TEX15: variants seen among roughly 807,000 people sequenced by gnomAD.
TEX15 encodes the protein testis-expressed protein 15.
TEX15 carries 171 observed loss-of-function variants against 237.3 expected under a neutral mutation model. The ratio of observed to expected loss-of-function variants is 0.72; its 90% confidence interval spans 0.64 to 0.82. The LOEUF is 0.82. TEX15 is among the 40% of genes least tolerant of loss of function. The pLI is 0.00. For synonymous variants in TEX15, 1,338 were observed against 1,269.8 expected, an observed-to-expected ratio of 1.05 and a Z score of -1.14; for missense variants, 3,750 against 3,646.5, an observed-to-expected ratio of 1.03 and a Z score of -0.73.
chr8:30,834,509 G>A (rs1364584136), intron 10 of TEX15, among the ~76,000 whole-genome samples: 2 of 152,104 alleles, frequency 1.3e-5, no homozygotes, highest in African/African-American at 4.8e-5. Context: ...TATGTTCTTA[G>A]GTGAAAAATT....
chr8:30,858,642 C>T (rs1359152255), intron 7 of TEX15, 26 bp downstream of exon 7: 1 of 1,496,518 alleles, frequency 6.7e-7, no homozygotes, highest in African/African-American at 1.4e-5. Flanking sequence ...AAATATTAAT[C>T]AAGTACAATC....
intron 5 of TEX15, among the ~76,000 whole-genome samples, chr8:30,860,826 C>T (rs1808034827): frequency 6.6e-6 from 1 of 151,878 alleles, no homozygotes; most frequent in Admixed American, 6.6e-5. Context: ...GTTGGGATTA[C>T]AGGCGTGAGC....
rs548065546 is a variant in TEX15, at chr8:30,874,620, T to C, written c.302+317A>G. Among the ~76,000 whole-genome samples the C allele has an allele frequency of 2.7e-4, 41 of 152,264 alleles. No homozygotes were observed. The South Asian group carries it at 6.4e-3, about 24-fold the overall frequency. On this transcript the variant is annotated intron_variant, in intron 4 of 10. Coordinates refer to ENST00000643185, the MANE Select transcript of TEX15 (RefSeq NM_001350162.2). ...CTTTTTGATTACTTCGACTGCAGTT[T>C]TACATTATCTAGGAGGTGTGAGGGA...
chr8:30,912,596 GGGAACCCGCGCATCTGA>G (rs1386742821), intron 1 of TEX15, among the ~76,000 whole-genome samples: 1 of 152,206 alleles, frequency 6.6e-6, no homozygotes, highest in African/African-American at 2.4e-5. Flanking sequence ...GCGAAAGCGC[GGGAACCCGCGCATCTGA>G]GGAAAGCTAA....
chr8:30,888,156 C>T (rs577763356), intron 2 of TEX15, among the ~76,000 whole-genome samples: 2 of 151,602 alleles, frequency 1.3e-5, no homozygotes, highest in African/African-American at 4.8e-5. Flanking sequence ...CTCAAGTGAT[C>T]CTCCTGCCTC....
Position 30,843,371 on chromosome 8 carries a change from C to T in TEX15, c.6796G>A (p.Gly2266Ser). 6.2e-7 allele frequency: 1 copy of T among 1,612,758 alleles called. No homozygotes were observed. The change falls in exon 8 of 11, where the codon GGT (glycine) becomes AGT (serine). Residue 2266 changes from glycine (G) to serine (S), a missense_variant. Gly to Ser is a moderately conservative substitution (Grantham distance 56). Transcript: ENST00000643185. ...GCATCAAAAAAGATATGTTCCAGAC[C>T]ATAAAGAGATATTTTAACACGTACT... ...EAVRVKISLY[G>S]LEHIFFDAAK...
At chr8:30,836,717 A>T in intron 10 of TEX15, 86 bp downstream of exon 10, 5 of 1,215,772 alleles carry the variant, frequency 4.1e-6, no homozygotes, top group Admixed American at 2.3e-5. Flanking sequence ...CCTCTAACTC[A>T]TCACTTACTG....
intron 3 of TEX15, among the ~76,000 whole-genome samples, chr8:30,885,637 G>T (rs1808631773): frequency 6.6e-6 from 1 of 152,126 alleles, no homozygotes; most frequent in African/African-American, 2.4e-5. Context: ...CCAAGGTATG[G>T]TCTATCTTGG....
Position 30,846,336 on chromosome 8 carries a change from A to G in TEX15, c.3831T>C (p.Cys1277=), listed in dbSNP as rs1282097876. 2 of 1,612,776 alleles carry G rather than the reference A, an allele frequency of 1.2e-6. No individual in the cohort carries two copies. Among genetic ancestry groups the G allele is most frequent in the Non-Finnish European group, 1.7e-6 (2 of 1,179,634 alleles). ...NVTTIDDGSR[C]FFTKSKTDYN... Reference sequence around the variant, plus strand: ...AGTCAGTTTTTGATTTTGTAAAGAAACATCTGCTTCCATCATCTATTGTTG... The same window carrying G: ...AGTCAGTTTTTGATTTTGTAAAGAAGCATCTGCTTCCATCATCTATTGTTG... The change falls in exon 8 of 11, where the codon TGT becomes TGC. Residue 1277 remains cysteine, a synonymous_variant. Transcript: ENST00000643185.
intron 5 of TEX15, among the ~76,000 whole-genome samples, chr8:30,864,619 A>G (rs1037029801): frequency 1.4e-4 from 12 of 82,934 alleles, no homozygotes; most frequent in African/African-American, 4.3e-4. Context: ...CCCAGACCAG[A>G]AAAAAAAAAA....
At chr8:30,894,560 T>C (rs897246457) in intron 2 of TEX15, among the ~76,000 whole-genome samples, 1 of 152,142 alleles carries the variant, frequency 6.6e-6, no homozygotes, top group African/African-American at 2.4e-5. Flanking sequence ...AGCCTTCACA[T>C]ATATGGTGAA....
At chr8:30,857,656 A>G (rs1563251366) in intron 7 of TEX15, among the ~76,000 whole-genome samples, 1 of 152,226 alleles carries the variant, frequency 6.6e-6, no homozygotes, top group Non-Finnish European at 1.5e-5. Context: ...CAATACACCT[A>G]TCAAAAAAGA....
chr8:30,872,409 A>C (rs1808309682), intron 4 of TEX15, among the ~76,000 whole-genome samples: 1 of 152,142 alleles, frequency 6.6e-6, no homozygotes, highest in African/African-American at 2.4e-5. Context: ...TATAGCATGT[A>C]TGATTATGTA....
At chr8:30,838,309 T>C (rs971523478) in intron 9 of TEX15, among the ~76,000 whole-genome samples, 9 of 152,158 alleles carry the variant, frequency 5.9e-5, no homozygotes, top group Middle Eastern at 3.2e-3. Context: ...TAATAAACTA[T>C]TTTGTGCATT....
At position 30,843,650 on chromosome 8, in the gene TEX15, C is replaced by A. The variant is rs774513435; in HGVS notation, c.6517G>T (p.Val2173Phe). Residue 2173 changes from valine (V) to phenylalanine (F), a missense_variant, in exon 8 of 11, where the codon GTT becomes TTT. Physicochemically the swap from Val to Phe is conservative, Grantham distance 50. Coordinates refer to ENST00000643185, the MANE Select transcript of TEX15 (RefSeq NM_001350162.2). ...TCCATTATGGCTTCACATTCATTAA[C>A]CTGTCGTTTGTACTTTAAGAATACA... ...YYVFLKYKRQ[V>F]NECEAIMEHC... 6.2e-7 allele frequency: 1 copy of A among 1,612,482 alleles called. No individual in the cohort carries two copies. The highest frequency in any genetic ancestry group is 1.7e-5 in the Admixed American group (1 of 59,856).
Position 30,842,254 on chromosome 8 carries a change from A to C in TEX15, c.7913T>G (p.Leu2638Arg). The C allele has an allele frequency of 6.2e-7, 1 of 1,613,690 alleles. No individual in the cohort carries two copies. The highest frequency in any genetic ancestry group is 8.5e-7 in the Non-Finnish European group (1 of 1,179,784). The part of the protein sequence containing the change: ...KNAELTISFF[L>R]CQMLYNRRKI... ...CCTTCTGTTATACAGCATTTGGCAT[A>C]GGAAAAAGGAAATGGTTAGTTCAGC... is the stretch of plus-strand genomic sequence containing the variant. The change falls in exon 8 of 11, where the codon CTA becomes CGA. Residue 2638 changes from leucine (L) to arginine (R), a missense_variant. Transcript: ENST00000643185.
chr8:30,870,248 T>C (rs970489815), intron 4 of TEX15, among the ~76,000 whole-genome samples: 4 of 152,072 alleles, frequency 2.6e-5, no homozygotes, highest in Non-Finnish European at 4.4e-5. Context: ...AGAATTGGAA[T>C]CTTGTATATC....
At chr8:30,910,186 A>C (rs983408296) in intron 1 of TEX15, among the ~76,000 whole-genome samples, 1 of 152,022 alleles carries the variant, frequency 6.6e-6, no homozygotes, top group Non-Finnish European at 1.5e-5. Flanking sequence ...AAAAAAAAAA[A>C]CTTTAAAGTG....
intron 1 of TEX15, among the ~76,000 whole-genome samples, chr8:30,910,605 C>T (rs1809195970): frequency 6.9e-6 from 1 of 145,828 alleles, no homozygotes; most frequent in Admixed American, 7.0e-5. Flanking sequence ...ACCACCACGC[C>T]TGGCCTTTTT....
Sources: gnomAD v4.1 joint callset for allele counts (sites outside exome capture counted in the v4.1 genomes callset) on GRCh38, gnomAD v4.1.1 for gene constraint, MANE v1.5 for transcripts, NCBI Gene and HGNC (gene_info 2026-07-23, HGNC 2026-07-21) for gene names.